PDPN: variants seen among roughly 807,000 people sequenced by gnomAD.
PDPN encodes podoplanin, also known as PA2.26 antigen.
A neutral mutation model predicts 23.2 loss-of-function variants in PDPN; 12 were observed. The ratio of observed to expected loss-of-function variants is 0.52; its 90% confidence interval spans 0.33 to 0.84. PDPN has a LOEUF of 0.84. Ranked by LOEUF, PDPN falls within the 40% of genes least tolerant of loss-of-function variation. The pLI, the probability that PDPN is intolerant of heterozygous loss-of-function variation, is 0.02. For synonymous variants in PDPN, 77 were observed against 76.7 expected (o/e 1.00, Z -0.02); for missense variants, 199 against 212.2 (o/e 0.94, Z 0.39).
At position 13,607,447 on chromosome 1, in the gene PDPN, T is replaced by C. The variant is rs1640820632; in HGVS notation, c.201+141T>C. The C allele has an allele frequency of 1.3e-5, 7 of 534,394 alleles. No individual in the cohort carries two copies. In the East Asian group the frequency reaches 2.5e-4, roughly 19 times the overall value. 33.1% of individuals were successfully genotyped at this position (534,394 alleles called of 1,614,324 possible). A position where few individuals can be genotyped will look rare whatever the true frequency, so the allele number is the denominator to read the frequency against. On this transcript the variant is annotated intron_variant, in intron 2 of 5. Coordinates refer to ENST00000621990, the MANE Select transcript of PDPN (RefSeq NM_006474.5). ...GCCACCATACCAAGGAATAGTTACG[T>C]GGCTCAACAAAGAAGAATAAGTCCT... is the stretch of plus-strand genomic sequence containing the variant.
intron 1 of PDPN, among the ~76,000 whole-genome samples, chr1:13,602,748 C>T (rs1384072920): frequency 6.6e-6 from 1 of 151,626 alleles, no homozygotes; most frequent in Non-Finnish European, 1.5e-5. Flanking sequence ...TTTGTATTTT[C>T]AGTAGAGACG....
At chr1:13,609,135 A>T (rs1425105923) in intron 2 of PDPN, among the ~76,000 whole-genome samples, 3 of 152,300 alleles carry the variant, frequency 2.0e-5, no homozygotes, top group Non-Finnish European at 4.4e-5. Context: ...GATTAGTTAG[A>T]ATAGAGACTG....
intron 1 of PDPN, among the ~76,000 whole-genome samples, chr1:13,586,647 C>A (rs897561410): frequency 6.6e-6 from 1 of 151,672 alleles, no homozygotes; most frequent in African/African-American, 2.4e-5. Context: ...CTACTTCTTT[C>A]AATCATCATA....
chr1:13,614,184 AT>A (rs1641006920), intron 4 of PDPN, 115 bp from the exon 5 acceptor site: 1 of 630,880 alleles, frequency 1.6e-6, no homozygotes, highest in African/African-American at 1.8e-5. Context: ...CTCAAACAAC[AT>A]AGAGCAATAT....
intron 5 of PDPN, chr1:13,614,816 C>G (rs760693836): frequency 1.9e-6 from 1 of 517,836 alleles, no homozygotes; most frequent in East Asian, 5.4e-5. Context: ...TCTTCATCTT[C>G]AAAAGGACTA....
chr1:13,604,480 C>T (rs368684539), intron 1 of PDPN, among the ~76,000 whole-genome samples: 7 of 152,110 alleles, frequency 4.6e-5, no homozygotes, highest in African/African-American at 9.7e-5. Context: ...CCATTCAGAG[C>T]GATTTTAGTA....
chr1:13,595,761 A>G (rs1200182481), intron 1 of PDPN: 1 of 716,486 alleles, frequency 1.4e-6, no homozygotes, highest in Admixed American at 2.3e-5. Context: ...ATTGAACGGC[A>G]GGGCAGCCAA....
At chr1:13,592,830 G>A (rs570879059) in intron 1 of PDPN, among the ~76,000 whole-genome samples, 1 of 152,278 alleles carries the variant, frequency 6.6e-6, no homozygotes, top group Admixed American at 6.5e-5. Flanking sequence ...GATTACAGGC[G>A]TGAGCCACCG....
rs928196195 is a variant in PDPN, at chr1:13,612,766, A to G, written c.332-921A>G. The stretch of plus-strand genomic sequence containing the variant: ...TTCAAACCCAACCATTAGAAAAAGT[A>G]GGCATCTTTTACATGATAGTTGGCT... On this transcript the variant is annotated intron_variant, in intron 3 of 5. Transcript: ENST00000621990. Among the ~76,000 whole-genome samples the G allele has an allele frequency of 8.5e-5, 13 of 152,314 alleles. No homozygotes were observed. In the East Asian group the frequency reaches 2.5e-3, roughly 29 times the overall value.
intron 2 of PDPN, among the ~76,000 whole-genome samples, chr1:13,607,902 C>T (rs536461213): frequency 5.7e-4 from 87 of 152,154 alleles, no homozygotes; most frequent in African/African-American, 2.0e-3. Context: ...GTCAGGAGTT[C>T]GAGATCAGCC....
Position 13,610,414 on chromosome 1 carries a change from G to A in PDPN, c.229G>A (p.Gly77Ser). The A allele has an allele frequency of 6.2e-7, 1 of 1,613,820 alleles. No homozygotes were observed. The highest frequency in any genetic ancestry group is 8.5e-7 in the Non-Finnish European group (1 of 1,179,796). ...GGCAACAAGTGTCAACAGTGTAACA[G>A]GCATTCGCATCGAGGATCTGCCAAC... is the stretch of plus-strand genomic sequence containing the variant. ...LVATSVNSVT[G>S]IRIEDLPTSE... Residue 77 changes from glycine (G) to serine (S), a missense_variant, in exon 3 of 6, where the codon GGC (glycine) becomes AGC (serine). Transcript: ENST00000621990.
At chr1:13,607,965 C>T (rs889957243) in intron 2 of PDPN, among the ~76,000 whole-genome samples, 1 of 151,964 alleles carries the variant, frequency 6.6e-6, no homozygotes. Flanking sequence ...ATTAGCTGGG[C>T]GTGGCTGTGT....
At chr1:13,610,676 A>G (rs143079034) in intron 3 of PDPN, among the ~76,000 whole-genome samples, 160 bp downstream of exon 3, 20 of 152,312 alleles carry the variant, frequency 1.3e-4, no homozygotes, top group South Asian at 4.1e-4. Flanking sequence ...TTCTATTTCA[A>G]TTGATACATT....
intron 1 of PDPN, among the ~76,000 whole-genome samples, chr1:13,601,935 T>A (rs2100248683): frequency 6.6e-6 from 1 of 152,286 alleles, no homozygotes; most frequent in Non-Finnish European, 1.5e-5. Flanking sequence ...GATAGCTTGG[T>A]CATTTGCAAA....
At chr1:13,588,386 T>C (rs1640237245) in intron 1 of PDPN, among the ~76,000 whole-genome samples, 1 of 151,858 alleles carries the variant, frequency 6.6e-6, no homozygotes, top group African/African-American at 2.4e-5. Context: ...CTTCCCACAA[T>C]TCATCAGGGT....
At chr1:13,584,198 G>T in intron 1 of PDPN, 98 bp downstream of exon 1, 2 of 1,520,288 alleles carry the variant, frequency 1.3e-6, no homozygotes. Flanking sequence ...GGTTGTCCAG[G>T]GGAGCGCGGG....
At chr1:13,603,561 T>C (rs549734998) in intron 1 of PDPN, among the ~76,000 whole-genome samples, 1 of 152,098 alleles carries the variant, frequency 6.6e-6, no homozygotes, top group Non-Finnish European at 1.5e-5. Flanking sequence ...TCAAATCATC[T>C]TCTCCTAGGA....
intron 1 of PDPN, among the ~76,000 whole-genome samples, chr1:13,600,173 TG>T (rs1347571777): frequency 2.0e-5 from 3 of 152,020 alleles, no homozygotes; most frequent in Non-Finnish European, 4.4e-5. Context: ...AAGATGAGGA[TG>T]GCACCTGGGC....
At chr1:13,595,443 C>T (rs148138367) in intron 1 of PDPN, among the ~76,000 whole-genome samples, 1 of 152,134 alleles carries the variant, frequency 6.6e-6, no homozygotes, top group East Asian at 1.9e-4. Context: ...GGGGACACCT[C>T]CCCCCCACCC....
Sources: gnomAD v4.1 joint callset for allele counts (sites outside exome capture counted in the v4.1 genomes callset) on GRCh38, gnomAD v4.1.1 for gene constraint, MANE v1.5 for transcripts, NCBI Gene and HGNC (gene_info 2026-07-23, HGNC 2026-07-21) for gene names.